SLC37A1: variants seen among roughly 807,000 people sequenced by gnomAD.
SLC37A1 encodes solute carrier family 37 member 1.
A neutral mutation model predicts 75.3 loss-of-function variants in SLC37A1; 49 were observed. The ratio of observed to expected loss-of-function variants is 0.65; its 90% CI spans 0.52 to 0.83. The LOEUF is 0.83. Ranked by LOEUF, SLC37A1 falls within the 40% of genes least tolerant of loss-of-function variation. The probability of loss-of-function intolerance (pLI) is 0.00; values close to 1 mark genes in which losing one functional copy is unlikely to be tolerated. For missense variants in SLC37A1, 566 were observed against 695.0 expected (o/e 0.81, Z 2.09); for synonymous variants, 268 against 292.1 (o/e 0.92, Z 0.84).
Position 42,548,956 on chromosome 21 carries a change from T to C in SLC37A1, c.768+1816T>C, listed in dbSNP as rs2055491260. On this transcript the variant is annotated intron_variant, in intron 9 of 19. Coordinates refer to ENST00000352133, the MANE Select transcript of SLC37A1 (RefSeq NM_001320537.2). This position sits in a 1 kb window ranked among gnomAD's most constrained non-coding sequence, Gnocchi z 5.6. Reference sequence around the variant, plus strand: ...TGGAAAGAAGGGTTCTGATACTTGATGACAAAAACAAAGAAACAAAATGAA... The same window carrying C: ...TGGAAAGAAGGGTTCTGATACTTGACGACAAAAACAAAGAAACAAAATGAA... Among the ~76,000 whole-genome samples, 1 of 152,174 alleles carries C rather than the reference T, an allele frequency of 6.6e-6. No individual in the cohort carries two copies. The highest frequency in any genetic ancestry group is 6.6e-5 in the Admixed American group (1 of 15,262).
chr21:42,576,429 G>A (rs955073574), intron 18 of SLC37A1, among the ~76,000 whole-genome samples: 1 of 151,878 alleles, frequency 6.6e-6, no homozygotes, highest in African/African-American at 2.4e-5. Context: ...AAGCAAATAG[G>A]GACAAATCTC....
intron 17 of SLC37A1, among the ~76,000 whole-genome samples, chr21:42,570,807 G>A (rs2056141185): frequency 6.6e-6 from 1 of 152,222 alleles, no homozygotes; most frequent in African/African-American, 2.4e-5. Context: ...CCCTGCGTCT[G>A]TGAACAGAGG....
At chr21:42,556,193 G>A (rs1001556551) in intron 10 of SLC37A1, among the ~76,000 whole-genome samples, 5 of 152,228 alleles carry the variant, frequency 3.3e-5, no homozygotes, top group African/African-American at 7.2e-5. Flanking sequence ...GCAGGTCCCC[G>A]CGGGCGTTTT....
chr21:42,506,281 A>C (rs1302451290), intron 2 of SLC37A1, among the ~76,000 whole-genome samples: 1 of 152,214 alleles, frequency 6.6e-6, no homozygotes, highest in Non-Finnish European at 1.5e-5. Context: ...GCTTAACAGG[A>C]TTTATATTAA....
chr21:42,515,773 T>G (rs1322750078), intron 1 of SLC37A1, among the ~76,000 whole-genome samples: 1 of 152,204 alleles, frequency 6.6e-6, no homozygotes, highest in African/African-American at 2.4e-5. Context: ...TTTTATATTT[T>G]TTTAAGACAG....
In SLC37A1 at chr21:42,535,514, C is replaced by A. The variant is rs748094300; in HGVS notation, c.314C>A (p.Ser105Tyr). The A allele has an allele frequency of 1.2e-6, 2 of 1,614,188 alleles. No homozygotes were observed. The highest frequency in any genetic ancestry group is 1.7e-6 in the Non-Finnish European group (2 of 1,180,018). ...CAGCTGCTTGGGGCCCTGGACTACT[C>A]CTTCCTGTGCGCCTATGCCGTGGGG... is the stretch of plus-strand genomic sequence containing the variant. ...YQQLLGALDY[S>Y]FLCAYAVGMY... Residue 105 changes from serine to tyrosine, a missense_variant, in exon 5 of 20, where the codon TCC (serine) becomes TAC (tyrosine). By Grantham distance (144) the Ser-to-Tyr change is moderately radical (BLOSUM62 -2). Transcript: ENST00000352133.
chr21:42,530,619 C>G (rs1250656928), intron 3 of SLC37A1, among the ~76,000 whole-genome samples: 2 of 65,940 alleles, frequency 3.0e-5, no homozygotes, highest in Admixed American at 3.6e-4. Flanking sequence ...CACACACACA[C>G]ACACACACAC....
rs1355219769 is a variant in SLC37A1, at chr21:42,548,039, A to G, written c.768+899A>G. Among the ~76,000 whole-genome samples, 1 of 152,032 alleles carries G rather than the reference A, an allele frequency of 6.6e-6. No homozygotes were observed. The highest frequency in any genetic ancestry group is 1.5e-5 in the Non-Finnish European group (1 of 67,998). ...CAATGCTTCCCTCCCTCTGGGGGTC[A>G]GCTCTCTTCCCTCCCTCTGGGAAAG... On this transcript the variant is annotated intron_variant, in intron 9 of 19. Coordinates refer to ENST00000352133, the MANE Select transcript of SLC37A1 (RefSeq NM_001320537.2). This position sits in a 1 kb window ranked among gnomAD's most constrained non-coding sequence, Gnocchi z 5.6.
At chr21:42,554,535 G>C (rs1569022606) in intron 10 of SLC37A1, among the ~76,000 whole-genome samples, 1 of 152,322 alleles carries the variant, frequency 6.6e-6, no homozygotes, top group Non-Finnish European at 1.5e-5. Context: ...TGTTGAAACA[G>C]AGCTGTGAGG....
intron 2 of SLC37A1, among the ~76,000 whole-genome samples, chr21:42,503,922 C>A (rs2054362587): frequency 6.6e-6 from 1 of 152,184 alleles, no homozygotes; most frequent in Non-Finnish European, 1.5e-5. Context: ...CTGGGAGGAA[C>A]CAGACGGGGC....
At chr21:42,530,654 A>ACACACACACACCCCCCC (rs1161313598) in intron 3 of SLC37A1, among the ~76,000 whole-genome samples, 2 of 35,878 alleles carry the variant, frequency 5.6e-5, no homozygotes, top group African/African-American at 1.6e-4. Context: ...ACACACACAC[A>ACACACACACACCCCCCC]CCCCCTCTGT....
chr21:42,510,349 T>C (rs1255132300), upstream of SLC37A1, among the ~76,000 whole-genome samples: 1 of 152,074 alleles, frequency 6.6e-6, no homozygotes, highest in Non-Finnish European at 1.5e-5. Flanking sequence ...ATAAGCATCA[T>C]AGTGACCACA....
At chr21:42,513,096 G>A (rs2054455540), upstream of SLC37A1, among the ~76,000 whole-genome samples, 1 of 152,222 alleles carries the variant, frequency 6.6e-6, no homozygotes, top group Admixed American at 6.5e-5. Context: ...CGAGGAGTGG[G>A]CTGGGAGCCC....
intron 11 of SLC37A1, among the ~76,000 whole-genome samples, chr21:42,560,016 C>G (rs551354889): frequency 1.3e-5 from 2 of 152,166 alleles, no homozygotes; most frequent in East Asian, 3.9e-4. Context: ...GCGGGAGAAG[C>G]CCTCAGAAGC....
chr21:42,529,012 A>G (rs1471675115), intron 3 of SLC37A1, among the ~76,000 whole-genome samples: 1 of 152,164 alleles, frequency 6.6e-6, no homozygotes, highest in Non-Finnish European at 1.5e-5. Context: ...GAATAAAATA[A>G]TCTTAAAGTT....
At chr21:42,571,792 G>A (rs554407410) in intron 17 of SLC37A1, among the ~76,000 whole-genome samples, 6 of 94,664 alleles carry the variant, frequency 6.3e-5, no homozygotes, top group Admixed American at 2.4e-4. Context: ...GTTTTTTCCC[G>A]GGTAAGTAAA....
At chr21:42,530,652 A>AC (rs905052485) in intron 3 of SLC37A1, among the ~76,000 whole-genome samples, 67 of 25,086 alleles carry the variant, frequency 2.7e-3, no homozygotes, top group Middle Eastern at 0.013. Flanking sequence ...ACACACACAC[A>AC]CACCCCCTCT....
intron 1 of SLC37A1, among the ~76,000 whole-genome samples, chr21:42,517,235 T>G (rs1399400794): frequency 3.9e-5 from 6 of 152,204 alleles, no homozygotes; most frequent in African/African-American, 1.4e-4. Context: ...ATCCCCATTG[T>G]TTAGCCTTGA....
At chr21:42,575,073 T>A in intron 18 of SLC37A1, 158 bp downstream of exon 18, 1 of 985,430 alleles carries the variant, frequency 1.0e-6, no homozygotes, top group Non-Finnish European at 1.2e-6. Flanking sequence ...GCTCCTTCTC[T>A]CTCTGATTAG....
Sources: gnomAD v4.1 joint callset for allele counts (sites outside exome capture counted in the v4.1 genomes callset) on GRCh38, gnomAD v4.1.1 for gene constraint, Gnocchi (gnomAD v3.1) non-coding constraint, MANE v1.5 for transcripts, NCBI Gene and HGNC (gene_info 2026-07-23, HGNC 2026-07-21) for gene names.